The following ADAMTSL2 variants were observed in gnomAD, a reference collection of about 807,000 sequenced individuals.
The protein encoded by ADAMTSL2 is ADAMTS-like protein 2.
ADAMTSL2 carries 55 observed loss-of-function variants against 117.0 expected under a neutral mutation model. That is an observed-to-expected ratio of 0.47 (90% CI 0.38 to 0.59). The LOEUF is 0.59. Among genes scored for constraint, ADAMTSL2 ranks in the 20% least tolerant of loss-of-function variants. The pLI, the probability that ADAMTSL2 is intolerant of heterozygous loss-of-function variation, is 0.00. For synonymous variants in ADAMTSL2, 572 were observed against 566.4 expected, an observed-to-expected ratio of 1.01 and a Z score of -0.14; for missense variants, 1,182 against 1,354.5, an observed-to-expected ratio of 0.87 and a Z score of 2.00.
chr9:133,547,152 A>T lies in ADAMTSL2; in HGVS notation c.878A>T (p.Tyr293Phe). Reference protein sequence around the residue: ...VVKYRRPMDVYETGIEYIVAQ... With the variant: ...VVKYRRPMDVFETGIEYIVAQ... ...AAGTACAGGCGGCCCATGGATGTCT[A>T]TGAGACCGGAATCGAGTACATCGTG... Residue 293 changes from tyrosine (Y) to phenylalanine (F), a missense_variant, in exon 9 of 19, where the codon TAT becomes TTT. By Grantham distance (22) the Tyr-to-Phe change is conservative (BLOSUM62 3). Coordinates refer to ENST00000651351, the MANE Select transcript of ADAMTSL2 (RefSeq NM_014694.4). The T allele has an allele frequency of 6.2e-7, 1 of 1,614,176 alleles. No homozygotes were observed. The highest frequency in any genetic ancestry group is 8.5e-7 in the Non-Finnish European group (1 of 1,180,026).
Position 133,554,311 on chromosome 9 carries a change from C to A in ADAMTSL2, c.940-46C>A. ...GGGAAGGGGATTGGTGGGGAAGGGG[C>A]TGGACAGAGTAAGGAGGGGCTGGGG... is the stretch of plus-strand genomic sequence containing the variant. On this transcript the variant is annotated intron_variant, in intron 9 of 18. Transcript: ENST00000651351. The surrounding 1 kb of genome is among the most constrained non-coding windows in gnomAD (Gnocchi z 5.2). 6.7e-7 allele frequency: 1 copy of A among 1,490,698 alleles called. No homozygotes were observed. The highest frequency in any genetic ancestry group is 9.0e-7 in the Non-Finnish European group (1 of 1,108,826). The allele number at this position is 1,490,698 out of a possible 1,614,324, so 92.3% of individuals were successfully genotyped here.
Position 133,554,676 on chromosome 9 carries a change from G to A in ADAMTSL2, c.1259G>A (p.Arg420Lys). ...GGCGGGGCCTGCGAGGGGCCCCCCA[G>A]GGGCAAGGGCTTCCGAGGTAACCAG... ...AGGGACEGPP[R>K]GKGFRDRNVT... Residue 420 changes from arginine to lysine, a missense_variant, in exon 10 of 19, where the codon AGG (arginine) becomes AAG (lysine). Physicochemically the swap from Arg to Lys is conservative, Grantham distance 26. This residue lies in a region of ADAMTSL2 where 345 missense variants were observed against 325.8 expected (regional missense o/e 1.06). Coordinates refer to ENST00000651351, the MANE Select transcript of ADAMTSL2 (RefSeq NM_014694.4). This position sits in a 1 kb window ranked among gnomAD's most constrained non-coding sequence, Gnocchi z 5.2. The A allele has an allele frequency of 9.3e-6, 14 of 1,508,426 alleles. No homozygotes were observed. Among genetic ancestry groups the A allele is most frequent in the Non-Finnish European group, 1.2e-5 (14 of 1,125,476 alleles). 93.4% of individuals were successfully genotyped at this position (1,508,426 alleles called of 1,614,324 possible).
chr9:133,565,790 C>T (rs2131174549), intron 12 of ADAMTSL2, among the ~76,000 whole-genome samples: 1 of 151,978 alleles, frequency 6.6e-6, no homozygotes, highest in East Asian at 1.9e-4. Context: ...GCAGCCAAGA[C>T]CGTTCCATGA....
intron 7 of ADAMTSL2, among the ~76,000 whole-genome samples, chr9:133,541,332 A>G (rs1173288374): frequency 6.7e-6 from 1 of 148,844 alleles, no homozygotes; most frequent in African/African-American, 2.5e-5. Context: ...TCTGTTGCCC[A>G]GGCTGGAGTG....
At chr9:133,571,219 T>C (rs1210832666) in intron 17 of ADAMTSL2, among the ~76,000 whole-genome samples, 1 of 152,188 alleles carries the variant, frequency 6.6e-6, no homozygotes, top group African/African-American at 2.4e-5. Context: ...AGAGGTTCTT[T>C]TCCCCATTCC....
At chr9:133,568,819 C>T (rs921274486) in intron 15 of ADAMTSL2, 61 bp downstream of exon 15, 39 of 1,606,454 alleles carry the variant, frequency 2.4e-5, no homozygotes, top group Admixed American at 6.7e-5. Context: ...AGAGCTTTGC[C>T]TTGATGTGCC....
At chr9:133,552,026 C>T (rs1214029453) in intron 9 of ADAMTSL2, among the ~76,000 whole-genome samples, 2 of 152,004 alleles carry the variant, frequency 1.3e-5, no homozygotes, top group African/African-American at 4.8e-5. Flanking sequence ...GATGGGGTTT[C>T]ACTATGTTGG....
Position 133,575,114 on chromosome 9 carries a change from T to C in ADAMTSL2, c.*250T>C, listed in dbSNP as rs902784706. The stretch of plus-strand genomic sequence containing the variant: ...TGCCGTGGGAACCTGTCCGTGTTCC[T>C]GCGTGGATCCTGTGTTTGTGGCTCC... On this transcript the variant is annotated 3_prime_UTR_variant, in exon 19 of 19. Transcript: ENST00000651351. 2.4e-5 allele frequency: 13 copies of C among 541,592 alleles called. No individual in the cohort carries two copies. The highest frequency in any genetic ancestry group is 3.7e-5 in the Non-Finnish European group (11 of 298,698). 33.5% of individuals were successfully genotyped at this position (541,592 alleles called of 1,614,324 possible).
chr9:133,535,682 C>T (rs975419130), intron 1 of ADAMTSL2, among the ~76,000 whole-genome samples: 3 of 152,184 alleles, frequency 2.0e-5, no homozygotes, highest in Non-Finnish European at 4.4e-5. Flanking sequence ...TGGCTTTGAG[C>T]AGGTTGGCTC....
At chr9:133,533,044 G>A (rs892623350), upstream of ADAMTSL2, among the ~76,000 whole-genome samples, 1 of 152,184 alleles carries the variant, frequency 6.6e-6, no homozygotes, top group African/African-American at 2.4e-5. Context: ...AGGAGAGCTC[G>A]GGGACTGTGC....
intron 1 of ADAMTSL2, among the ~76,000 whole-genome samples, chr9:133,535,361 T>G (rs1442575627): frequency 1.3e-5 from 1 of 74,100 alleles, no homozygotes; most frequent in Non-Finnish European, 2.6e-5. Context: ...GATGGAGGTC[T>G]GCAGGGGAGG....
At chr9:133,570,013 C>A (rs1160368487) in intron 16 of ADAMTSL2, among the ~76,000 whole-genome samples, 1 of 152,228 alleles carries the variant, frequency 6.6e-6, no homozygotes, top group Admixed American at 6.5e-5. Flanking sequence ...ACCAGCAGCT[C>A]CCGGCAGGTC....
intron 9 of ADAMTSL2, among the ~76,000 whole-genome samples, chr9:133,553,110 C>G (rs1288136048): frequency 1.3e-5 from 2 of 152,190 alleles, no homozygotes; most frequent in Non-Finnish European, 2.9e-5. Context: ...AGGCAGAGGT[C>G]TCTGTGTCGT....
chr9:133,554,475 A>G lies in ADAMTSL2; in HGVS notation c.1058A>G (p.Gln353Arg). 3 of 1,553,924 alleles carry G rather than the reference A, an allele frequency of 1.9e-6. No individual in the cohort carries two copies. The highest frequency in any genetic ancestry group is 2.6e-6 in the Non-Finnish European group (3 of 1,149,036). The change falls in exon 10 of 19, where the codon CAG becomes CGG. Residue 353 changes from glutamine to arginine, a missense_variant. Around this residue, in one of 3 missense-constraint regions of ADAMTSL2, gnomAD observed 345 missense variants for 325.8 expected, o/e 1.06. Coordinates refer to ENST00000651351, the MANE Select transcript of ADAMTSL2 (RefSeq NM_014694.4). This position sits in a 1 kb window ranked among gnomAD's most constrained non-coding sequence, Gnocchi z 5.2. Reference protein sequence around the residue: ...YYGFSESAESQGLDGAGLMGF... With the variant: ...YYGFSESAESRGLDGAGLMGF... ...GGCTTCTCCGAGAGCGCTGAGAGCC[A>G]GGGCCTGGACGGGGCCGGGCTGATG...
intron 1 of ADAMTSL2, 107 bp from the exon 2 acceptor site, chr9:133,536,456 C>T (rs796441178): frequency 1.5e-5 from 22 of 1,437,446 alleles, no homozygotes; most frequent in African/African-American, 1.4e-4. Flanking sequence ...AGGCTTAGCA[C>T]GCACACCGCC....
In ADAMTSL2 at chr9:133,554,845, G is replaced by T; in HGVS notation, c.1276+152G>T. ...GCAGATGTCCTCTGGGCAGGCACAG[G>T]GTTGAGGACTTGGGATAGGTCCTTC... is the stretch of plus-strand genomic sequence containing the variant. On this transcript the variant is annotated intron_variant, in intron 10 of 18. Coordinates refer to ENST00000651351, the MANE Select transcript of ADAMTSL2 (RefSeq NM_014694.4). This position sits in a 1 kb window ranked among gnomAD's most constrained non-coding sequence, Gnocchi z 5.2. The T allele has an allele frequency of 1.5e-6, 1 of 689,218 alleles. No individual in the cohort carries two copies. 42.7% of individuals were successfully genotyped at this position (689,218 alleles called of 1,614,324 possible). A position where few individuals can be genotyped will look rare whatever the true frequency, so the allele number is the denominator to read the frequency against.
At chr9:133,533,420 A>G (rs1182812054), upstream of ADAMTSL2, among the ~76,000 whole-genome samples, 1 of 152,136 alleles carries the variant, frequency 6.6e-6, no homozygotes, top group African/African-American at 2.4e-5. Flanking sequence ...CCGGCAGAGG[A>G]GAGAACCCGA....
chr9:133,539,747 C>G, intron 4 of ADAMTSL2, 24 bp from the exon 5 acceptor site: 2 of 1,466,604 alleles, frequency 1.4e-6, no homozygotes, highest in Non-Finnish European at 1.8e-6. Context: ...CCTCCCGGAG[C>G]CTCCCTGTCC....
rs1035961777 is a variant in ADAMTSL2 at position 133,557,644 on chromosome 9, G to C, written c.1649+1714G>C. 2.0e-5 allele frequency among the ~76,000 whole-genome samples: 3 copies of C among 152,200 alleles called. No homozygotes were observed. Among genetic ancestry groups the C allele is most frequent in the African/African-American group, 7.2e-5 (3 of 41,454 alleles). Reference sequence around the variant, plus strand: ...CAGTCTGTCTGTGTCTTCAGCGTGGGCCCTCTTCACCTCCCAGGGCAGTCC... The same window carrying C: ...CAGTCTGTCTGTGTCTTCAGCGTGGCCCCTCTTCACCTCCCAGGGCAGTCC... On this transcript the variant is annotated intron_variant, in intron 11 of 18. Transcript: ENST00000651351. This position sits in a 1 kb window ranked among gnomAD's most constrained non-coding sequence, Gnocchi z 5.2.
Sources: gnomAD v4.1 joint callset for allele counts (sites outside exome capture counted in the v4.1 genomes callset) on GRCh38, gnomAD v4.1.1 for gene constraint, gnomAD v4.1.1 regional missense constraint, Gnocchi (gnomAD v3.1) non-coding constraint, MANE v1.5 for transcripts, NCBI Gene and HGNC (gene_info 2026-07-23, HGNC 2026-07-21) for gene names.